The following KCTD5 variants were observed in gnomAD, a reference collection of about 807,000 sequenced individuals.
KCTD5 encodes potassium channel tetramerization domain containing 5, also known as BTB/POZ domain-containing protein KCTD5.
A neutral mutation model predicts 27.9 loss-of-function variants in KCTD5; 12 were observed. The ratio of observed to expected loss-of-function variants is 0.43; its 90% confidence interval spans 0.28 to 0.70. KCTD5 has a LOEUF of 0.70. Among genes scored for constraint, KCTD5 ranks in the 30% least tolerant of loss-of-function variants. The probability of loss-of-function intolerance (pLI) is 0.19; values close to 1 mark genes in which losing one functional copy is unlikely to be tolerated. For synonymous variants in KCTD5, 147 were observed against 121.4 expected (o/e 1.21, Z -1.39); for missense variants, 226 against 274.8 (o/e 0.82, Z 1.26).
intron 1 of KCTD5, among the ~76,000 whole-genome samples, chr16:2,689,714 G>T (rs12926029): frequency 0.28 from 42,107 of 148,156 alleles, 6,023 homozygotes; most frequent in Non-Finnish European, 0.32. Context: ...AGGCTCACTG[G>T]ATCGCCCAGG....
In KCTD5 at chr16:2,707,300, T is replaced by A; in HGVS notation, c.678T>A (p.Ile226=). The change falls in exon 6 of 6, where the codon ATT becomes ATA. Residue 226 remains isoleucine (I), a splice_region_variant and synonymous_variant. Coordinates refer to ENST00000301738, the MANE Select transcript of KCTD5 (RefSeq NM_018992.4). ...TASEPSEKAK[I]LQERGSRM Reference sequence around the variant, plus strand: ...TTTATGCATTTGGTGTTTTTCAGATTTTGCAAGAACGAGGCTCAAGGATGT... The same window carrying A: ...TTTATGCATTTGGTGTTTTTCAGATATTGCAAGAACGAGGCTCAAGGATGT... The A allele has an allele frequency of 1.9e-6, 3 of 1,613,768 alleles. No individual in the cohort carries two copies. Among genetic ancestry groups the A allele is most frequent in the Non-Finnish European group, 2.5e-6 (3 of 1,179,770 alleles).
At chr16:2,692,640 C>A in intron 1 of KCTD5, among the ~76,000 whole-genome samples, 1 of 152,250 alleles carries the variant, frequency 6.6e-6, no homozygotes, top group Non-Finnish European at 1.5e-5. Flanking sequence ...CACCACAAGT[C>A]CCCACTTTGG....
intron 1 of KCTD5, among the ~76,000 whole-genome samples, chr16:2,687,576 C>G (rs1053818184): frequency 2.0e-5 from 3 of 152,226 alleles, no homozygotes; most frequent in Admixed American, 6.5e-5. Context: ...TTGTGTGTGG[C>G]CGTTTTTGCT....
In KCTD5 at chr16:2,701,109, C is replaced by G. The variant is rs531579373; in HGVS notation, c.549+1193C>G. Reference sequence around the variant, plus strand: ...ATGTGGCACCTGTGCTCTTCTGCCACCGTCTTGTGACTTCTGGCTGGGAGG... The same window carrying G: ...ATGTGGCACCTGTGCTCTTCTGCCAGCGTCTTGTGACTTCTGGCTGGGAGG... On this transcript the variant is annotated intron_variant, in intron 4 of 5. Transcript: ENST00000301738. 2.0e-5 allele frequency among the ~76,000 whole-genome samples: 3 copies of G among 152,362 alleles called. No homozygotes were observed. The South Asian group carries it at 6.2e-4, about 32-fold the overall frequency.
chr16:2,707,679 T>C lies in KCTD5; in HGVS notation c.*352T>C. 2 of 540,784 alleles carry C rather than the reference T, an allele frequency of 3.7e-6. No homozygotes were observed. Among genetic ancestry groups the C allele is most frequent in the Non-Finnish European group, 3.3e-6 (1 of 304,624 alleles). The allele number at this position is 540,784 out of a possible 1,614,324, so 33.5% of individuals were successfully genotyped here. On this transcript the variant is annotated 3_prime_UTR_variant, in exon 6 of 6. Transcript: ENST00000301738. ...AGCGTTCTTGGTGCTACACACAGTCTGGAAAAGCAGCCTGGGCTTCACTGG... is the reference window on the plus strand; with the variant it reads ...AGCGTTCTTGGTGCTACACACAGTCCGGAAAAGCAGCCTGGGCTTCACTGG...
chr16:2,691,283 C>A (rs528940698), intron 1 of KCTD5, among the ~76,000 whole-genome samples: 49 of 152,352 alleles, frequency 3.2e-4, no homozygotes, highest in African/African-American at 1.1e-3. Context: ...TGTCCCTGAC[C>A]TTCCGCTCTG....
At chr16:2,696,778 G>A (rs937088431) in intron 2 of KCTD5, among the ~76,000 whole-genome samples, 9 of 152,266 alleles carry the variant, frequency 5.9e-5, no homozygotes, top group African/African-American at 9.6e-5. Flanking sequence ...GAGTTCACGC[G>A]GGGCGTGGAG....
In KCTD5 at chr16:2,682,532, C is replaced by T. The variant is rs199800740; in HGVS notation, c.-17C>T. On this transcript the variant is annotated 5_prime_UTR_variant, in exon 1 of 6. Transcript: ENST00000301738. ...CGCTTCCGGTGGAAGGGAGCTGTTGCGGGGCTTGCTGGGATCATGGCGGAG... is the reference window on the plus strand; with the variant it reads ...CGCTTCCGGTGGAAGGGAGCTGTTGTGGGGCTTGCTGGGATCATGGCGGAG... The T allele has an allele frequency of 4.4e-4, 614 of 1,390,588 alleles. 1 individual carries two copies. In the African/African-American group the frequency reaches 8.3e-3, roughly 19 times the overall value. 86.1% of individuals were successfully genotyped at this position (1,390,588 alleles called of 1,614,324 possible).
At chr16:2,685,893 G>C (rs1045086723) in intron 1 of KCTD5, 1 of 152,086 alleles carries the variant, frequency 6.6e-6, no homozygotes, top group African/African-American at 2.4e-5. Flanking sequence ...CAGAGTGTGG[G>C]GGTCTGGAGA....
At chr16:2,702,295 G>C in intron 4 of KCTD5, 58 bp from the exon 5 acceptor site, 1 of 1,607,030 alleles carries the variant, frequency 6.2e-7, no homozygotes, top group African/African-American at 1.3e-5. Flanking sequence ...GGTCATGTCA[G>C]CCTGGCTGGG....
Position 2,682,581 on chromosome 16 carries a change from G to T in KCTD5, c.33G>T (p.Pro11=), listed in dbSNP as rs775971499. MAENHCELLS[P]ARGGIGAGLG... ...AGAATCACTGCGAGCTCCTGTCGCC[G>T]GCCCGGGGCGGCATCGGGGCGGGGC... is the stretch of plus-strand genomic sequence containing the variant. The change falls in exon 1 of 6, where the codon CCG becomes CCT. Residue 11 remains proline, a synonymous_variant. Transcript: ENST00000301738. The T allele has an allele frequency of 2.5e-5, 36 of 1,414,006 alleles. No homozygotes were observed. Among genetic ancestry groups the T allele is most frequent in the Admixed American group, 1.2e-4 (4 of 32,668 alleles). 87.6% of individuals were successfully genotyped at this position (1,414,006 alleles called of 1,614,324 possible). A position where few individuals can be genotyped will look rare whatever the true frequency, so the allele number is the denominator to read the frequency against.
chr16:2,701,022 G>T (rs927095944), intron 4 of KCTD5, among the ~76,000 whole-genome samples: 1 of 152,180 alleles, frequency 6.6e-6, no homozygotes, highest in African/African-American at 2.4e-5. Context: ...TTGTCCCTTG[G>T]TGGGGCTGGG....
rs1423980233 is a variant in KCTD5, at chr16:2,682,877, G to C, written c.252+77G>C. On this transcript the variant is annotated intron_variant, in intron 1 of 5. Coordinates refer to ENST00000301738, the MANE Select transcript of KCTD5 (RefSeq NM_018992.4). ...CTCCTGCACACGCCCTGCTTCGTGCGGAGGAGACTTCAGCGGGAGCGGGCG... is the reference window on the plus strand; with the variant it reads ...CTCCTGCACACGCCCTGCTTCGTGCCGAGGAGACTTCAGCGGGAGCGGGCG... 2.1e-6 allele frequency: 3 copies of C among 1,461,434 alleles called. No homozygotes were observed. In the East Asian group the frequency reaches 8.3e-5, roughly 40 times the overall value. The allele number at this position is 1,461,434 out of a possible 1,614,324, so 90.5% of individuals were successfully genotyped here.
chr16:2,699,726 G>C, intron 3 of KCTD5, 95 bp from the exon 4 acceptor site: 1 of 1,098,478 alleles, frequency 9.1e-7, no homozygotes, highest in Non-Finnish European at 1.4e-6. Flanking sequence ...GAACTGCAGA[G>C]TGGACCTCAG....
rs761466593 is a variant in KCTD5, at chr16:2,702,437, A to G, written c.634A>G (p.Thr212Ala). The G allele has an allele frequency of 6.2e-6, 10 of 1,613,024 alleles. No individual in the cohort carries two copies. Among genetic ancestry groups the G allele is most frequent in the Non-Finnish European group, 8.5e-6 (10 of 1,179,914 alleles). ...LCVVSKELHN[T>A]PYGTASEPSE... Reference sequence around the variant, plus strand: ...TGTGGTGTCCAAGGAGCTGCACAACACCCCGTACGGTACGGCCAGCGAGCC... The same window carrying G: ...TGTGGTGTCCAAGGAGCTGCACAACGCCCCGTACGGTACGGCCAGCGAGCC... Residue 212 changes from threonine to alanine, a missense_variant, in exon 5 of 6, where the codon ACC (threonine) becomes GCC (alanine). Physicochemically the swap from Thr to Ala is moderately conservative, Grantham distance 58. Transcript: ENST00000301738.
chr16:2,702,553 T>C, intron 5 of KCTD5, 75 bp downstream of exon 5: 1 of 1,553,192 alleles, frequency 6.4e-7, no homozygotes, highest in Non-Finnish European at 8.7e-7. Context: ...CCTTCCTCCT[T>C]TTCTGCCATT....
At chr16:2,695,483 G>A (rs563137982) in intron 1 of KCTD5, among the ~76,000 whole-genome samples, 1 of 125,300 alleles carries the variant, frequency 8.0e-6, no homozygotes, top group African/African-American at 3.1e-5. Context: ...CCTGCATGTA[G>A]GCTGCGGAGG....
rs1442237840 is a variant in KCTD5, at chr16:2,699,807, C to T, written c.454-14C>T. ...TGGGTGGCCCGCCCTTACCTGTGCC[C>T]ATTGTCCTTGCAGGTGCCTGTGAAG... On this transcript the variant is annotated splice_polypyrimidine_tract_variant and intron_variant, in intron 3 of 5. Transcript: ENST00000301738. 5.0e-6 allele frequency: 8 copies of T among 1,612,282 alleles called. No homozygotes were observed. The highest frequency in any genetic ancestry group is 4.4e-5 in the South Asian group (4 of 91,024).
At chr16:2,693,460 TG>T (rs1362782140) in intron 1 of KCTD5, among the ~76,000 whole-genome samples, 2 of 152,100 alleles carry the variant, frequency 1.3e-5, no homozygotes, top group African/African-American at 4.8e-5. Flanking sequence ...GTGGTAGGAG[TG>T]GCCAAGACAC....
Sources: allele counts gnomAD v4.1 joint callset (sites outside exome capture counted in the v4.1 genomes callset), GRCh38; gene constraint gnomAD v4.1.1; transcripts MANE v1.5; gene names NCBI Gene and HGNC (gene_info 2026-07-23, HGNC 2026-07-21).